The following LINGO3 variants were observed in gnomAD, a reference collection of about 807,000 sequenced individuals.
LINGO3 encodes the protein leucine-rich repeat and immunoglobulin-like domain-containing nogo receptor-interacting protein 3.
For synonymous variants in LINGO3, 427 were observed against 444.2 expected, an observed-to-expected ratio of 0.96 and a Z score of 0.49; for missense variants, 750 against 867.7, an observed-to-expected ratio of 0.86 and a Z score of 1.70.
chr19:2,302,821 G>C, the LINGO3 span, among the ~76,000 whole-genome samples: 26 of 152,224 alleles, frequency 1.7e-4, no homozygotes, highest in Non-Finnish European at 3.4e-4. Flanking sequence ...GGTGGTGGAC[G>C]GGAGTGGGGG....
At chr19:2,295,837 C>G (rs1433955811), upstream of LINGO3, among the ~76,000 whole-genome samples, 2 of 152,144 alleles carry the variant, frequency 1.3e-5, no homozygotes, top group Admixed American at 6.5e-5. Flanking sequence ...CATTCACATG[C>G]CACGTGGAAC....
chr19:2,290,122 CACACGAACAGCA>C lies in LINGO3; in HGVS notation c.1643_1654del (p.Leu548_Trp552delinsArg). The stretch of plus-strand genomic sequence containing the variant: ...TTTGTGCTGCCCGCGGCCGCGGCTC[CACACGAACAGCA>C]GCACGAAGCAGAAGAGGACCACGCC... On this transcript the variant is annotated inframe_deletion, in exon 1 of 1. Transcript: ENST00000585527. The surrounding 1 kb of genome is among the most constrained non-coding windows in gnomAD (Gnocchi z 6.0). 4 of 1,611,550 alleles carry C rather than the reference CACACGAACAGCA, an allele frequency of 2.5e-6. No individual in the cohort carries two copies. Among genetic ancestry groups the C allele is most frequent in the Non-Finnish European group, 3.4e-6 (4 of 1,179,128 alleles).
At position 2,290,195 on chromosome 19, in the gene LINGO3, G is replaced by A. The variant is rs2025504006; in HGVS notation, c.1582C>T (p.Leu528=). ...ATGCAGCCCATGGCGGTGGACACCA[G>A]GATGGTGGTGAGGTCGAGCGGCGCG... The change falls in exon 1 of 1, where the codon CTG becomes TTG. Residue 528 remains leucine (L), a synonymous_variant. Coordinates refer to ENST00000585527, the Ensembl canonical transcript of LINGO3. This position sits in a 1 kb window ranked among gnomAD's most constrained non-coding sequence, Gnocchi z 6.0. The A allele has an allele frequency of 6.2e-7, 1 of 1,610,930 alleles. No homozygotes were observed. The highest frequency in any genetic ancestry group is 1.3e-5 in the African/African-American group (1 of 74,934).
At chr19:2,304,469 A>G in the LINGO3 span, among the ~76,000 whole-genome samples, 12 of 152,204 alleles carry the variant, frequency 7.9e-5, no homozygotes, top group Non-Finnish European at 1.6e-4. Context: ...GGGATTAAGT[A>G]AGAATTGTGA....
the LINGO3 span, among the ~76,000 whole-genome samples, chr19:2,305,794 C>T: frequency 6.6e-6 from 1 of 152,190 alleles, no homozygotes; most frequent in African/African-American, 2.4e-5. Context: ...TCTGGATGCC[C>T]CGTTTGAGCT....
At chr19:2,298,086 A>T in the LINGO3 span, among the ~76,000 whole-genome samples, 1 of 151,996 alleles carries the variant, frequency 6.6e-6, no homozygotes, top group Non-Finnish European at 1.5e-5. Flanking sequence ...ATGGGGTTTC[A>T]TCATGTTAGC....
chr19:2,291,224 T>G (rs754870250), exon 1 of LINGO3: 1 of 1,611,322 alleles, frequency 6.2e-7, no homozygotes, highest in Non-Finnish European at 8.5e-7. Flanking sequence ...GCCGTGAGGT[T>G]GCAGCGCTCC....
In LINGO3 at chr19:2,290,991, C is replaced by G; in HGVS notation, c.786G>C (p.Pro262=). 1.2e-6 allele frequency: 2 copies of G among 1,611,470 alleles called. No homozygotes were observed. The highest frequency in any genetic ancestry group is 8.5e-7 in the Non-Finnish European group (1 of 1,179,420). ...GCGCCTGGTGCCGCAGCGCGGCGGCCGGCACGGCGGTGATGTTGGTGTGGG... is the reference window on the plus strand; with the variant it reads ...GCGCCTGGTGCCGCAGCGCGGCGGCGGGCACGGCGGTGATGTTGGTGTGGG... Residue 262 remains proline, a synonymous_variant, in exon 1 of 1, where the codon CCG becomes CCC. Transcript: ENST00000585527. This position sits in a 1 kb window ranked among gnomAD's most constrained non-coding sequence, Gnocchi z 6.0.
At chr19:2,308,099 G>A in the LINGO3 span, among the ~76,000 whole-genome samples, 1 of 146,192 alleles carries the variant, frequency 6.8e-6, no homozygotes, top group Non-Finnish European at 1.5e-5. Context: ...CCGCGGACAC[G>A]GCGCGGGCTG....
chr19:2,289,252 TGTGTGTTCTGG>T (rs1339014111), downstream of LINGO3, among the ~76,000 whole-genome samples: 3 of 147,578 alleles, frequency 2.0e-5, no homozygotes. Context: ...GGGTGTGAGC[TGTGTGTTCTGG>T]GTGTGAGCTG....
chr19:2,306,355 C>A, the LINGO3 span, among the ~76,000 whole-genome samples: 1 of 152,148 alleles, frequency 6.6e-6, no homozygotes, highest in Non-Finnish European at 1.5e-5. Flanking sequence ...TGGTGGTGGG[C>A]GGCTTGATGG....
chr19:2,295,771 A>G (rs1485609096), upstream of LINGO3, among the ~76,000 whole-genome samples: 1 of 152,174 alleles, frequency 6.6e-6, no homozygotes, highest in East Asian at 1.9e-4. Flanking sequence ...TGAAACGCCA[A>G]ACTGAATTCT....
At chr19:2,296,413 C>G (rs1005368516), upstream of LINGO3, among the ~76,000 whole-genome samples, 21 of 152,066 alleles carry the variant, frequency 1.4e-4, no homozygotes, top group Admixed American at 1.0e-3. Flanking sequence ...CCAGGAGGTC[C>G]AGGATGCAGT....
the LINGO3 span, among the ~76,000 whole-genome samples, chr19:2,297,060 C>A: frequency 6.6e-6 from 1 of 151,336 alleles, no homozygotes; most frequent in Non-Finnish European, 1.5e-5. Context: ...CCACTGCACT[C>A]CAACCTGGGC....
the LINGO3 span, among the ~76,000 whole-genome samples, chr19:2,306,869 C>T: frequency 6.6e-6 from 1 of 152,146 alleles, no homozygotes; most frequent in Non-Finnish European, 1.5e-5. Flanking sequence ...CTGTCTCCGA[C>T]GATGGCTGCT....
chr19:2,290,234 G>A lies in LINGO3; in HGVS notation c.1543C>T (p.Leu515=), dbSNP rs1378773590. Residue 515 remains leucine, a synonymous_variant, in exon 1 of 1, where the codon CTG becomes TTG. Coordinates refer to ENST00000585527, the Ensembl canonical transcript of LINGO3. This position sits in a 1 kb window ranked among gnomAD's most constrained non-coding sequence, Gnocchi z 6.0. Reference sequence around the variant, plus strand: ...TCGAGCGGCGCGCGCAGGGCCGCCAGCGTCTCGTTGTGGGCCTCGCCCGGG... The same window carrying A: ...TCGAGCGGCGCGCGCAGGGCCGCCAACGTCTCGTTGTGGGCCTCGCCCGGG... 1 of 1,605,178 alleles carries A rather than the reference G, an allele frequency of 6.2e-7. No homozygotes were observed. The highest frequency in any genetic ancestry group is 8.5e-7 in the Non-Finnish European group (1 of 1,177,736).
the LINGO3 span, among the ~76,000 whole-genome samples, chr19:2,302,151 T>C: frequency 7.3e-6 from 1 of 137,256 alleles, no homozygotes; most frequent in African/African-American, 2.7e-5. Context: ...AACCTCTGCC[T>C]CCCGGGTTAA....
At chr19:2,295,091 C>T (rs961435247), upstream of LINGO3, among the ~76,000 whole-genome samples, 46 of 152,172 alleles carry the variant, frequency 3.0e-4, no homozygotes, top group African/African-American at 8.7e-4. Context: ...AGCGAACAGA[C>T]GCGGAGCCCC....
At chr19:2,297,805 A>G in the LINGO3 span, among the ~76,000 whole-genome samples, 1 of 151,528 alleles carries the variant, frequency 6.6e-6, no homozygotes, top group Non-Finnish European at 1.5e-5. Flanking sequence ...GGGTTTCACC[A>G]TGTTAGCCAG....
Sources: allele counts gnomAD v4.1 joint callset (sites outside exome capture counted in the v4.1 genomes callset), GRCh38; gene constraint gnomAD v4.1.1; non-coding constraint Gnocchi (gnomAD v3.1); transcripts MANE v1.5; gene names NCBI Gene and HGNC (gene_info 2026-07-23, HGNC 2026-07-21).